Variants in PCNX1 observed in about 807,000 individuals in gnomAD.
The protein encoded by PCNX1 is pecanex-like protein 1.
A neutral mutation model predicts 242.2 loss-of-function variants in PCNX1; 78 were observed. That is an observed-to-expected ratio of 0.32 (90% CI 0.27 to 0.39). The LOEUF is 0.39. PCNX1 is among the 10% of genes least tolerant of loss of function. The pLI is 1.00. For synonymous variants in PCNX1, 1,024 were observed against 1,032.9 expected, an observed-to-expected ratio of 0.99 and a Z score of 0.17; for missense variants, 2,581 against 2,856.5, an observed-to-expected ratio of 0.90 and a Z score of 2.20.
intron 1 of PCNX1, among the ~76,000 whole-genome samples, chr14:70,927,426 A>G (rs1473419049): frequency 2.0e-5 from 3 of 152,218 alleles, no homozygotes; most frequent in East Asian, 1.9e-4. Flanking sequence ...AATGGATTAT[A>G]CAGCATGCAA....
At chr14:71,092,613 A>G (rs1173003023) in intron 30 of PCNX1, 1 of 152,136 alleles carries the variant, frequency 6.6e-6, no homozygotes, top group African/African-American at 2.4e-5. Flanking sequence ...AAAGTGCTCT[A>G]TTCTGCAGCG....
intron 7 of PCNX1, 106 bp downstream of exon 7, chr14:70,988,805 T>C: frequency 7.4e-7 from 1 of 1,347,544 alleles, no homozygotes; most frequent in Non-Finnish European, 1.0e-6. Flanking sequence ...TTTCTTTTCC[T>C]TTCTGTTTCT....
chr14:71,084,075 CTGTT>C (rs999626942), intron 28 of PCNX1, among the ~76,000 whole-genome samples: 4 of 152,146 alleles, frequency 2.6e-5, no homozygotes, highest in African/African-American at 9.7e-5. Flanking sequence ...CTATTCCTTT[CTGTT>C]TGTTAGTTTT....
At chr14:71,074,528 C>T (rs2061663555) in intron 27 of PCNX1, among the ~76,000 whole-genome samples, 2 of 152,226 alleles carry the variant, frequency 1.3e-5, no homozygotes, top group Admixed American at 1.3e-4. Context: ...CAGTTGTCCT[C>T]TCACAGTAGA....
At position 71,076,200 on chromosome 14, in the gene PCNX1, T is replaced by C; in HGVS notation, c.5118T>C (p.Tyr1706=). ...LTTYYVKGII[Y]YVTTSSKLEE... Reference sequence around the variant, plus strand: ...CTTGTTCATGTTAGGGTATCATTTATTATGTTACGACCTCGTCTAAGCTAG... The same window carrying C: ...CTTGTTCATGTTAGGGTATCATTTACTATGTTACGACCTCGTCTAAGCTAG... The change falls in exon 28 of 36, where the codon TAT becomes TAC. Residue 1706 remains tyrosine (Y), a synonymous_variant. Coordinates refer to ENST00000304743, the MANE Select transcript of PCNX1 (RefSeq NM_014982.3). 1.2e-6 allele frequency: 2 copies of C among 1,601,780 alleles called. No homozygotes were observed. The highest frequency in any genetic ancestry group is 1.7e-6 in the Non-Finnish European group (2 of 1,168,854).
intron 31 of PCNX1, among the ~76,000 whole-genome samples, chr14:71,102,686 T>G (rs1390308080): frequency 6.6e-6 from 1 of 152,210 alleles, no homozygotes; most frequent in Non-Finnish European, 1.5e-5. Context: ...TTTTAGTACT[T>G]TATTCTGTCC....
chr14:71,019,372 G>A (rs959243373), intron 12 of PCNX1, among the ~76,000 whole-genome samples: 3 of 152,076 alleles, frequency 2.0e-5, no homozygotes, highest in African/African-American at 7.2e-5. Flanking sequence ...CAAGTTTTTT[G>A]TATTAAAAGA....
intron 1 of PCNX1, 37 bp from the exon 2 acceptor site, chr14:70,946,878 T>C (rs539022915): frequency 6.1e-6 from 8 of 1,320,654 alleles, no homozygotes; most frequent in Admixed American, 1.8e-5. Context: ...ATATAAAATA[T>C]TTTAAAATGT....
At chr14:70,992,250 AATC>A (rs1393998903) in intron 7 of PCNX1, among the ~76,000 whole-genome samples, 12 of 152,262 alleles carry the variant, frequency 7.9e-5, no homozygotes, top group Admixed American at 2.0e-4. Context: ...AATGGAATGA[AATC>A]ATCAGTGCAT....
intron 35 of PCNX1, 30 bp from the exon 36 acceptor site, chr14:71,109,765 C>T: frequency 6.2e-7 from 1 of 1,612,018 alleles, no homozygotes; most frequent in Non-Finnish European, 8.5e-7. Flanking sequence ...GTCTCCAGTG[C>T]TAACTTCTTG....
intron 1 of PCNX1, 135 bp downstream of exon 1, chr14:70,908,138 C>T (rs1428602810): frequency 7.9e-6 from 6 of 755,254 alleles, no homozygotes; most frequent in Non-Finnish European, 9.8e-6. Context: ...GGCTCCCCGC[C>T]CCCACTGCGT....
intron 1 of PCNX1, among the ~76,000 whole-genome samples, chr14:70,926,695 CAGTG>C (rs529690827): frequency 1.4e-3 from 206 of 152,060 alleles, no homozygotes; most frequent in African/African-American, 4.8e-3. Context: ...TTTATGTTCT[CAGTG>C]GGTGTGGTGT....
At chr14:71,004,183 T>G (rs2059589338) in intron 8 of PCNX1, among the ~76,000 whole-genome samples, 1 of 152,258 alleles carries the variant, frequency 6.6e-6, no homozygotes, top group Admixed American at 6.5e-5. Flanking sequence ...ACAGAGGTTA[T>G]CTGGCCCATG....
At chr14:71,104,789 T>C (rs897927938) in intron 32 of PCNX1, among the ~76,000 whole-genome samples, 2 of 152,166 alleles carry the variant, frequency 1.3e-5, no homozygotes, top group Admixed American at 6.5e-5. Context: ...TAGCTGGACA[T>C]GGTAGTGGGC....
chr14:71,095,354 T>C (rs2062247217), intron 30 of PCNX1, among the ~76,000 whole-genome samples: 1 of 152,236 alleles, frequency 6.6e-6, no homozygotes, highest in African/African-American at 2.4e-5. Context: ...AATGTTTGTT[T>C]AATGAATGAG....
intron 26 of PCNX1, among the ~76,000 whole-genome samples, chr14:71,062,166 T>C (rs2061340925): frequency 6.6e-6 from 1 of 152,182 alleles, no homozygotes; most frequent in South Asian, 2.1e-4. Flanking sequence ...CAAAGAGTGA[T>C]ACCTCCTCAA....
intron 23 of PCNX1, among the ~76,000 whole-genome samples, chr14:71,051,430 A>G (rs1443758147): frequency 6.6e-6 from 1 of 152,114 alleles, no homozygotes; most frequent in Admixed American, 6.5e-5. Context: ...ATTTTTTCAT[A>G]ATATGATTAT....
intron 25 of PCNX1, among the ~76,000 whole-genome samples, chr14:71,056,948 C>A (rs147562281): frequency 8.3e-4 from 126 of 152,102 alleles, no homozygotes; most frequent in Admixed American, 6.7e-3. Flanking sequence ...TGCTGAGATT[C>A]CAGGCATGAG....
At chr14:71,023,266 G>C in intron 13 of PCNX1, 34 bp downstream of exon 13, 2 of 1,474,178 alleles carry the variant, frequency 1.4e-6, no homozygotes, top group Non-Finnish European at 1.9e-6. Flanking sequence ...TACATTATAG[G>C]TCCTTAACAT....
Sources: allele counts gnomAD v4.1 joint callset (sites outside exome capture counted in the v4.1 genomes callset), GRCh38; gene constraint gnomAD v4.1.1; transcripts MANE v1.5; gene names NCBI Gene and HGNC (gene_info 2026-07-23, HGNC 2026-07-21).